The following DLEC1 variants were observed in gnomAD, a reference collection of about 807,000 sequenced individuals.
DLEC1 encodes the protein DLEC1 cilia and flagella associated protein, also known as deleted in lung and esophageal cancer protein 1.
DLEC1 carries 146 observed loss-of-function variants against 198.1 expected under a neutral mutation model. The ratio of observed to expected loss-of-function variants is 0.74; its 90% confidence interval spans 0.64 to 0.85. The LOEUF is 0.85. DLEC1 is among the 40% of genes least tolerant of loss of function. The pLI is 0.00. For synonymous variants in DLEC1, 897 were observed against 866.8 expected, an observed-to-expected ratio of 1.03 and a Z score of -0.61; for missense variants, 2,233 against 2,220.0, an observed-to-expected ratio of 1.01 and a Z score of -0.12.
chr3:38,062,616 C>A lies in DLEC1; in HGVS notation c.909C>A (p.Asn303Lys), dbSNP rs776003313. 6.2e-7 allele frequency: 1 copy of A among 1,614,142 alleles called. No individual in the cohort carries two copies. Among genetic ancestry groups the A allele is most frequent in the South Asian group, 1.1e-5 (1 of 91,080 alleles). ...AACCAAGGAATAAAAACTGGATGAA[C>A]CACTTACGTGTGCCACAGAGAGAGC... ...ASQPRNKNWM[N>K]HLRVPQRELD... Residue 303 changes from asparagine (N) to lysine (K), a missense_variant, in exon 5 of 37, where the codon AAC becomes AAA. Transcript: ENST00000308059.
At chr3:38,084,281 G>A (rs1698231694) in intron 7 of DLEC1, 36 bp downstream of exon 7, 1 of 1,563,890 alleles carries the variant, frequency 6.4e-7, no homozygotes, top group South Asian at 1.1e-5. Flanking sequence ...TAGTAGTAGT[G>A]GTAATAGTAG....
rs1193902519 is a variant in DLEC1, at chr3:38,045,635, G to C, written c.504G>C (p.Glu168Asp). ...AAGCACGGGCTATTGCGGAAAATGAGCGGGTCATGAGCCAGGCTGGAGTAC... is the reference window on the plus strand; with the variant it reads ...AAGCACGGGCTATTGCGGAAAATGACCGGGTCATGAGCCAGGCTGGAGTAC... ...QAQARAIAEN[E>D]RVMSQAGVQD... Residue 168 changes from glutamate to aspartate, a missense_variant, in exon 2 of 37, where the codon GAG (glutamate) becomes GAC (aspartate). Coordinates refer to ENST00000308059, the MANE Select transcript of DLEC1 (RefSeq NM_007335.4). 1 of 1,614,010 alleles carries C rather than the reference G, an allele frequency of 6.2e-7. No homozygotes were observed. Among genetic ancestry groups the C allele is most frequent in the Admixed American group, 1.7e-5 (1 of 60,002 alleles).
chr3:38,087,940 G>A (rs1698550908), intron 9 of DLEC1, among the ~76,000 whole-genome samples: 1 of 152,200 alleles, frequency 6.6e-6, no homozygotes, highest in African/African-American at 2.4e-5. Context: ...TGCTTTGGGA[G>A]CCCAGGGGAG....
intron 16 of DLEC1, 82 bp downstream of exon 16, chr3:38,097,357 CA>C: frequency 6.5e-7 from 1 of 1,536,954 alleles, no homozygotes; most frequent in Non-Finnish European, 8.8e-7. Flanking sequence ...GGGGCTTATG[CA>C]GGGCTCTTGG....
chr3:38,107,737 G>A lies in DLEC1; in HGVS notation c.3018G>A (p.Lys1006=). The A allele has an allele frequency of 1.2e-6, 2 of 1,613,510 alleles. No homozygotes were observed. Among genetic ancestry groups the A allele is most frequent in the Non-Finnish European group, 1.7e-6 (2 of 1,179,762 alleles). ...TLLPTQFHWG[K]LLGHQAEFCM... is the part of the protein sequence containing the mutation. ...TGCCTACCCAGTTCCACTGGGGCAA[G>A]GTGAGTGAGCCCACAGCATCAGGCA... Residue 1006 remains lysine (K), a splice_region_variant and synonymous_variant, in exon 20 of 37, where the codon AAG becomes AAA. Coordinates refer to ENST00000308059, the MANE Select transcript of DLEC1 (RefSeq NM_007335.4).
In DLEC1 at chr3:38,039,777, C is replaced by T. The variant is rs1700568308; in HGVS notation, c.411+141C>T. On this transcript the variant is annotated intron_variant, in intron 1 of 36. Transcript: ENST00000308059. ...ACAGCCCATCATGCCGAAGTGGGCCCGACATTCTAGTGGAAGGACGCTCTA... is the reference window on the plus strand; with the variant it reads ...ACAGCCCATCATGCCGAAGTGGGCCTGACATTCTAGTGGAAGGACGCTCTA... 1.3e-5 allele frequency: 15 copies of T among 1,149,336 alleles called. No homozygotes were observed. The South Asian group carries it at 2.4e-4, about 18-fold the overall frequency. The allele number at this position is 1,149,336 out of a possible 1,614,324, so 71.2% of individuals were successfully genotyped here. A position where few individuals can be genotyped will look rare whatever the true frequency, so the allele number is the denominator to read the frequency against.
intron 6 of DLEC1, among the ~76,000 whole-genome samples, chr3:38,066,422 T>TA (rs758846917): frequency 1.3e-5 from 2 of 152,264 alleles, no homozygotes; most frequent in Non-Finnish European, 2.9e-5. Context: ...TATAGGTAAC[T>TA]ATTTCTATTA....
At position 38,123,021 on chromosome 3, in the gene DLEC1, G is replaced by T. The variant is rs374397648; in HGVS notation, c.*609G>T. 7.4e-6 allele frequency: 12 copies of T among 1,612,162 alleles called. No homozygotes were observed. The East Asian group carries it at 2.5e-4, about 33-fold the overall frequency. On this transcript the variant is annotated 3_prime_UTR_variant, in exon 37 of 37. Coordinates refer to ENST00000308059, the MANE Select transcript of DLEC1 (RefSeq NM_007335.4). Reference sequence around the variant, plus strand: ...CTGCTAGAGCAGCAGGACTGTCTGCGTAGCGCCTCCAGCCTGGGACCTCAC... The same window carrying T: ...CTGCTAGAGCAGCAGGACTGTCTGCTTAGCGCCTCCAGCCTGGGACCTCAC...
chr3:38,123,983 C>G lies in DLEC1; in HGVS notation c.*1571C>G, dbSNP rs1379524142. On this transcript the variant is annotated 3_prime_UTR_variant, in exon 37 of 37. Coordinates refer to ENST00000308059, the MANE Select transcript of DLEC1 (RefSeq NM_007335.4). ...GATCACACCACTGCACTCCAGCCAG[C>G]CTGGACAACGGAGTGAGATTCCATG... 6.6e-6 allele frequency: 1 copy of G among 151,090 alleles called. No homozygotes were observed. Among genetic ancestry groups the G allele is most frequent in the Admixed American group, 6.6e-5 (1 of 15,190 alleles). 9.4% of individuals were successfully genotyped at this position (151,090 alleles called of 1,614,324 possible). A position where few individuals can be genotyped will look rare whatever the true frequency, so the allele number is the denominator to read the frequency against.
At chr3:38,095,999 C>G in intron 14 of DLEC1, 53 bp downstream of exon 14, 5 of 1,593,902 alleles carry the variant, frequency 3.1e-6, no homozygotes, top group South Asian at 2.2e-5. Flanking sequence ...CTTCCCCCAC[C>G]TTGGGGGTTC....
At chr3:38,087,352 ACT>A (rs1285520203) in intron 9 of DLEC1, among the ~76,000 whole-genome samples, 4 of 122,914 alleles carry the variant, frequency 3.3e-5, no homozygotes, top group Non-Finnish European at 7.2e-5. Context: ...ATCCATCAGC[ACT>A]GACACCATCC....
chr3:38,090,708 A>T (rs1490374619), intron 10 of DLEC1, among the ~76,000 whole-genome samples: 1 of 152,238 alleles, frequency 6.6e-6, no homozygotes, highest in Non-Finnish European at 1.5e-5. Context: ...TACCATGCGG[A>T]TTGTACCAAT....
In DLEC1 at chr3:38,102,261, G is replaced by A. The variant is rs1457659293; in HGVS notation, c.2864+1836G>A. 4.5e-4 allele frequency among the ~76,000 whole-genome samples: 68 copies of A among 152,218 alleles called. 1 individual carries two copies. Among genetic ancestry groups the A allele is most frequent in the Non-Finnish European group, 5.9e-5 (4 of 68,024 alleles). ...ACACTCCCACCTTAACAATCTCTGA[G>A]AGCCAATCTGGCTCTTTGCAGAGAT... On this transcript the variant is annotated intron_variant, in intron 19 of 36. Coordinates refer to ENST00000308059, the MANE Select transcript of DLEC1 (RefSeq NM_007335.4).
intron 25 of DLEC1, among the ~76,000 whole-genome samples, chr3:38,113,340 G>A (rs984902483): frequency 1.3e-5 from 2 of 152,178 alleles, no homozygotes; most frequent in East Asian, 1.9e-4. Flanking sequence ...ACATCCCTAA[G>A]GGAATTCTGC....
chr3:38,077,921 A>G lies in DLEC1; in HGVS notation c.1174-6237A>G, dbSNP rs1056898210. Among the ~76,000 whole-genome samples the G allele has an allele frequency of 1.1e-4, 16 of 151,112 alleles. No individual in the cohort carries two copies. In the East Asian group the frequency reaches 2.9e-3, roughly 27 times the overall value. On this transcript the variant is annotated intron_variant, in intron 6 of 36. Coordinates refer to ENST00000308059, the MANE Select transcript of DLEC1 (RefSeq NM_007335.4). ...TATTTCCTCGAGGATAGATTTCCAC[A>G]ATGGAAAGGAAATGAGAGGTTCTAA...
chr3:38,040,973 AG>A (rs1480693241), intron 1 of DLEC1, among the ~76,000 whole-genome samples: 1 of 151,814 alleles, frequency 6.6e-6, no homozygotes, highest in Non-Finnish European at 1.5e-5. Context: ...TGGAGTAGCT[AG>A]GACCACAGGT....
In DLEC1 at chr3:38,109,845, CAT is replaced by C. The variant is rs992635127; in HGVS notation, c.3261-253_3261-252del. On this transcript the variant is annotated intron_variant, in intron 22 of 36. Coordinates refer to ENST00000308059, the MANE Select transcript of DLEC1 (RefSeq NM_007335.4). Reference sequence around the variant, plus strand: ...GCTGTAGGTACCCTGGGCTTGCCCACATGAGGCCCAGCAACTGGGAGCCATGC... The same window carrying C: ...GCTGTAGGTACCCTGGGCTTGCCCACGAGGCCCAGCAACTGGGAGCCATGC... 20 of 688,394 alleles carry C rather than the reference CAT, an allele frequency of 2.9e-5. No individual in the cohort carries two copies. The African/African-American group carries it at 3.4e-4, about 12-fold the overall frequency. 42.6% of individuals were successfully genotyped at this position (688,394 alleles called of 1,614,324 possible).
rs1489911997 is a variant in DLEC1, at chr3:38,112,398, G to T, written c.3666+37G>T. 1 of 1,607,140 alleles carries T rather than the reference G, an allele frequency of 6.2e-7. No homozygotes were observed. The highest frequency in any genetic ancestry group is 8.5e-7 in the Non-Finnish European group (1 of 1,174,662). ...CAAGAGGGCAGTGGCCTGGGGGGTG[G>T]AGAGTCTGCCCAGCCCTCGCCTTCA... On this transcript the variant is annotated intron_variant, in intron 25 of 36. Transcript: ENST00000308059. This position sits in a 1 kb window ranked among gnomAD's most constrained non-coding sequence, Gnocchi z 4.8.
chr3:38,080,593 C>T (rs549644357), intron 6 of DLEC1, among the ~76,000 whole-genome samples: 94 of 152,078 alleles, frequency 6.2e-4, no homozygotes, highest in African/African-American at 2.0e-3. Flanking sequence ...GAACTACTGT[C>T]GAGTTTGTAT....
Sources: gnomAD v4.1 joint callset for allele counts (sites outside exome capture counted in the v4.1 genomes callset) on GRCh38, gnomAD v4.1.1 for gene constraint, Gnocchi (gnomAD v3.1) non-coding constraint, MANE v1.5 for transcripts, NCBI Gene and HGNC (gene_info 2026-07-23, HGNC 2026-07-21) for gene names.